PLCH1: variants seen among roughly 807,000 people sequenced by gnomAD.
PLCH1 encodes phospholipase C eta 1, also known as 1-phosphatidylinositol 4,5-bisphosphate phosphodiesterase eta-1.
PLCH1 carries 60 observed loss-of-function variants against 126.7 expected under a neutral mutation model. That is an observed-to-expected ratio of 0.47 (90% CI 0.38 to 0.59). PLCH1 has a LOEUF of 0.59. PLCH1 is among the 20% of genes least tolerant of loss of function. PLCH1 has a pLI of 0.00. For synonymous variants in PLCH1, 719 were observed against 734.9 expected, an observed-to-expected ratio of 0.98 and a Z score of 0.35; for missense variants, 1,723 against 2,040.0, an observed-to-expected ratio of 0.84 and a Z score of 2.99.
At position 155,668,879 on chromosome 3, in the gene PLCH1, G is replaced by C. The variant is rs574996417; in HGVS notation, c.79+35267C>G. ...TGCACTCCTGCCTGAACCTCAGAGAGAGACTCAGTCTAAAAGAAAAAGAAA... is the reference window on the plus strand; with the variant it reads ...TGCACTCCTGCCTGAACCTCAGAGACAGACTCAGTCTAAAAGAAAAAGAAA... On this transcript the variant is annotated intron_variant, in intron 2 of 22. Coordinates refer to ENST00000460012, the MANE Select transcript of PLCH1 (RefSeq NM_014996.4). Among the ~76,000 whole-genome samples, 29 of 152,260 alleles carry C rather than the reference G, an allele frequency of 1.9e-4. No homozygotes were observed. In the South Asian group the frequency reaches 4.8e-3, roughly 25 times the overall value.
At chr3:155,680,338 A>T (rs1044868663) in intron 2 of PLCH1, among the ~76,000 whole-genome samples, 4 of 152,062 alleles carry the variant, frequency 2.6e-5, no homozygotes, top group African/African-American at 9.7e-5. Context: ...AGCCGAGATC[A>T]TGCCACTGCA....
intron 2 of PLCH1, among the ~76,000 whole-genome samples, chr3:155,607,397 G>A (rs1734500688): frequency 6.6e-6 from 1 of 151,716 alleles, no homozygotes; most frequent in African/African-American, 2.4e-5. Flanking sequence ...AAACATGAAT[G>A]CATTTTAGTT....
At chr3:155,675,140 A>G (rs1743964432) in intron 2 of PLCH1, among the ~76,000 whole-genome samples, 1 of 152,244 alleles carries the variant, frequency 6.6e-6, no homozygotes. Flanking sequence ...GGTACTGGGA[A>G]CATGGCACAT....
chr3:155,614,662 A>G (rs968082759), intron 2 of PLCH1, among the ~76,000 whole-genome samples: 2 of 152,196 alleles, frequency 1.3e-5, no homozygotes, highest in Non-Finnish European at 2.9e-5. Flanking sequence ...TCAACTAAGC[A>G]AACAAAAGCA....
intron 4 of PLCH1, among the ~76,000 whole-genome samples, chr3:155,590,225 C>T (rs1227469150): frequency 1.3e-5 from 2 of 152,190 alleles, no homozygotes; most frequent in Non-Finnish European, 2.9e-5. Flanking sequence ...CATCCCAAAT[C>T]TGTTCTCTTC....
chr3:155,686,424 G>T (rs1005405266), intron 2 of PLCH1, among the ~76,000 whole-genome samples: 1 of 152,212 alleles, frequency 6.6e-6, no homozygotes, highest in African/African-American at 2.4e-5. Flanking sequence ...CCATGGAAGG[G>T]ACAAATGATT....
chr3:155,689,754 C>T (rs1056168976), intron 2 of PLCH1, among the ~76,000 whole-genome samples: 2 of 151,816 alleles, frequency 1.3e-5, no homozygotes, highest in African/African-American at 2.4e-5. Context: ...AAAAGAATAA[C>T]AAGCAATGAA....
chr3:155,622,768 TC>T (rs1372237827), intron 2 of PLCH1, among the ~76,000 whole-genome samples: 2 of 152,012 alleles, frequency 1.3e-5, no homozygotes, highest in Non-Finnish European at 2.9e-5. Flanking sequence ...TAAAGCAAGT[TC>T]TTATAGACCT....
chr3:155,471,300 T>C (rs1254267302), intron 21 of PLCH1, among the ~76,000 whole-genome samples: 3 of 152,148 alleles, frequency 2.0e-5, no homozygotes, highest in Non-Finnish European at 4.4e-5. Context: ...AAACAGACTT[T>C]AAACCAACAA....
intron 6 of PLCH1, among the ~76,000 whole-genome samples, chr3:155,572,581 T>C (rs574978295): frequency 3.9e-5 from 6 of 152,326 alleles, no homozygotes; most frequent in Non-Finnish European, 8.8e-5. Flanking sequence ...TACCTTTCCA[T>C]GCTAATAAAT....
chr3:155,505,896 T>C (rs572402279), intron 12 of PLCH1, among the ~76,000 whole-genome samples: 1 of 152,024 alleles, frequency 6.6e-6, no homozygotes, highest in East Asian at 1.9e-4. Context: ...GGTCCGCTTT[T>C]TTTTTTTTTT....
chr3:155,721,933 G>A (rs529912205), intron 1 of PLCH1, among the ~76,000 whole-genome samples: 30 of 152,128 alleles, frequency 2.0e-4, no homozygotes, highest in African/African-American at 6.3e-4. Flanking sequence ...TGTAATCTCA[G>A]CTACTCGGGA....
intron 6 of PLCH1, among the ~76,000 whole-genome samples, chr3:155,568,567 T>C (rs887107274): frequency 2.6e-5 from 4 of 152,208 alleles, no homozygotes; most frequent in African/African-American, 9.6e-5. Flanking sequence ...AAATGTTCTC[T>C]GTGAAGAAAT....
In PLCH1 at chr3:155,616,956, AAGAAACATATTC is replaced by A. The variant is rs560516899; in HGVS notation, c.80-20590_80-20579del. 1.7e-3 allele frequency among the ~76,000 whole-genome samples: 254 copies of A among 152,264 alleles called. 1 individual carries two copies. The highest frequency in any genetic ancestry group is 5.7e-3 in the African/African-American group (236 of 41,558). On this transcript the variant is annotated intron_variant, in intron 2 of 22. Coordinates refer to ENST00000460012, the MANE Select transcript of PLCH1 (RefSeq NM_014996.4). Reference sequence around the variant, plus strand: ...AGATATTAGTTCCCCTAGAATCCAAAAGAAACATATTCAGTTTAATATAATTAATTTAATTTA... The same window carrying A: ...AGATATTAGTTCCCCTAGAATCCAAAAGTTTAATATAATTAATTTAATTTA...
chr3:155,731,448 T>C (rs540299610), intron 1 of PLCH1, among the ~76,000 whole-genome samples: 141 of 152,298 alleles, frequency 9.3e-4, no homozygotes, highest in African/African-American at 3.2e-3. Flanking sequence ...TCCAAGCTCC[T>C]GGCTCAACCC....
chr3:155,464,120 T>C (rs1712839652), intron 21 of PLCH1, among the ~76,000 whole-genome samples: 2 of 152,276 alleles, frequency 1.3e-5, no homozygotes, highest in South Asian at 2.1e-4. Flanking sequence ...AATGAGATTG[T>C]GTAATTCTTG....
intron 8 of PLCH1, among the ~76,000 whole-genome samples, 178 bp from the exon 9 acceptor site, chr3:155,554,374 TA>T (rs1443657656): frequency 1.3e-5 from 2 of 152,216 alleles, no homozygotes; most frequent in Non-Finnish European, 2.9e-5. Context: ...AACAAGGAAT[TA>T]AAGAATTGCT....
chr3:155,734,774 T>C (rs1749038399), intron 1 of PLCH1, among the ~76,000 whole-genome samples: 2 of 150,618 alleles, frequency 1.3e-5, no homozygotes, highest in Non-Finnish European at 3.0e-5. Context: ...AGTGGTGCAA[T>C]CTCGGCTCAC....
chr3:155,651,383 AGATAT>A (rs1740693675), intron 2 of PLCH1, among the ~76,000 whole-genome samples: 1 of 152,234 alleles, frequency 6.6e-6, no homozygotes, highest in Non-Finnish European at 1.5e-5. Context: ...AGAGTAAGAC[AGATAT>A]AAGTTAGGAA....
Sources: gnomAD v4.1 joint callset for allele counts (sites outside exome capture counted in the v4.1 genomes callset) on GRCh38, gnomAD v4.1.1 for gene constraint, MANE v1.5 for transcripts, NCBI Gene and HGNC (gene_info 2026-07-23, HGNC 2026-07-21) for gene names.